Variants in IGFN1 observed in about 807,000 individuals in gnomAD.
IGFN1 encodes the protein immunoglobulin like and fibronectin type III domain containing 1, also known as immunoglobulin-like and fibronectin type III domain-containing protein 1.
In IGFN1, 253 loss-of-function variants were observed where a neutral mutation model predicts 289.5. The observed-to-expected ratio is 0.87, with a 90% CI of 0.79 to 0.97. The LOEUF is 0.97. Ranked by LOEUF, IGFN1 falls within the 50% of genes least tolerant of loss-of-function variation. The probability of loss-of-function intolerance (pLI) is 0.00; values close to 1 mark genes in which losing one functional copy is unlikely to be tolerated. For synonymous variants in IGFN1, 1,706 were observed against 1,788.5 expected (o/e 0.95, Z 1.16); for missense variants, 4,470 against 4,686.1 (o/e 0.95, Z 1.35).
chr1:201,205,167 C>A lies in IGFN1; in HGVS notation c.1002C>A (p.Ser334Arg). Reference protein sequence around the residue: ...GDAVFECTLSSPCPSAAWHFR... With the variant: ...GDAVFECTLSRPCPSAAWHFR... ...CAGTCTTTGAATGTACCCTCTCCAG[C>A]CCCTGCCCTAGTGCAGCCTGGCATT... Residue 334 changes from serine (S) to arginine (R), a missense_variant, in exon 11 of 24, where the codon AGC (serine) becomes AGA (arginine). Ser to Arg is a moderately radical substitution (Grantham distance 110). This residue lies in a region of IGFN1 where 2,011 missense variants were observed against 1,953.4 expected (regional missense o/e 1.03). Transcript: ENST00000335211. 1.3e-6 allele frequency: 2 copies of A among 1,551,300 alleles called. No individual in the cohort carries two copies. Among genetic ancestry groups the A allele is most frequent in the South Asian group, 2.4e-5 (2 of 84,058 alleles).
intron 11 of IGFN1, among the ~76,000 whole-genome samples, chr1:201,205,724 ATAAG>A (rs1667386118): frequency 6.6e-6 from 1 of 152,270 alleles, no homozygotes; most frequent in African/African-American, 2.4e-5. Context: ...TAAATTGGAC[ATAAG>A]TAAGGCAGGT....
chr1:201,197,427 C>T, intron 5 of IGFN1, 110 bp downstream of exon 5: 1 of 713,832 alleles, frequency 1.4e-6, no homozygotes, highest in Non-Finnish European at 2.4e-6. Context: ...GGAGGCCCAT[C>T]CAGGCTGCTG....
At chr1:201,215,423 G>C (rs1222365934) in intron 14 of IGFN1, 116 bp from the exon 15 acceptor site, 13 of 957,240 alleles carry the variant, frequency 1.4e-5, no homozygotes, top group Admixed American at 2.8e-5. Context: ...GTCCTCATGT[G>C]GTGGGGCAGG....
Position 201,226,994 on chromosome 1 carries a change from G to A in IGFN1, c.10899G>A (p.Met3633Ile), listed in dbSNP as rs1654142910. The change falls in exon 23 of 24, where the codon ATG becomes ATA. Residue 3633 changes from methionine to isoleucine, a missense_variant. Transcript: ENST00000335211. ...TGCCCCAGGGCTGCGAGTGCTGCAT[G>A]AGCTGTGCCGTGCAGGGCTCGCCCC... ...HLLPQGCECC[M>I]SCAVQGSPRP... The A allele has an allele frequency of 6.2e-7, 1 of 1,613,264 alleles. No individual in the cohort carries two copies. The highest frequency in any genetic ancestry group is 8.5e-7 in the Non-Finnish European group (1 of 1,180,046).
Position 201,209,154 on chromosome 1 carries a change from G to A in IGFN1, c.4261G>A (p.Gly1421Arg), listed in dbSNP as rs747086816. 23 of 1,522,274 alleles carry A rather than the reference G, an allele frequency of 1.5e-5. No individual in the cohort carries two copies. In the South Asian group the frequency reaches 2.9e-4, roughly 19 times the overall value. The allele number at this position is 1,522,274 out of a possible 1,614,324, so 94.3% of individuals were successfully genotyped here. Residue 1421 changes from glycine (G) to arginine (R), a missense_variant, in exon 12 of 24, where the codon GGG becomes AGG. By Grantham distance (125) the Gly-to-Arg change is moderately radical (BLOSUM62 -2). Coordinates refer to ENST00000335211, the MANE Select transcript of IGFN1 (RefSeq NM_001164586.2). Reference sequence around the variant, plus strand: ...TGGGATTGGAGGTTATGGGGAAATGGGGTCAGGTTATAGGGAGGATTTGGG... The same window carrying A: ...TGGGATTGGAGGTTATGGGGAAATGAGGTCAGGTTATAGGGAGGATTTGGG... ...RNGIGGYGEM[G>R]SGYREDLGAP...
Position 201,213,155 on chromosome 1 carries a change from A to C in IGFN1, c.8262A>C (p.Ser2754=). Residue 2754 remains serine, a synonymous_variant, in exon 12 of 24, where the codon TCA becomes TCC. Coordinates refer to ENST00000335211, the MANE Select transcript of IGFN1 (RefSeq NM_001164586.2). ...PFGRKASRDR[S]GGTQDLSSQR... is the part of the protein sequence containing the mutation. ...GCAGAAAAGCCTCTAGAGATAGGTC[A>C]GGAGGGACCCAGGACCTGAGCTCTC... 1.3e-6 allele frequency: 2 copies of C among 1,551,658 alleles called. No homozygotes were observed. Among genetic ancestry groups the C allele is most frequent in the Non-Finnish European group, 1.7e-6 (2 of 1,146,968 alleles).
rs1306372171 is a variant in IGFN1 at position 201,212,081 on chromosome 1, A to G, written c.7188A>G (p.Ser2396=). 1 of 1,536,422 alleles carries G rather than the reference A, an allele frequency of 6.5e-7. No homozygotes were observed. The highest frequency in any genetic ancestry group is 2.0e-5 in the Admixed American group (1 of 50,982). Residue 2396 remains serine, a synonymous_variant, in exon 12 of 24, where the codon TCA becomes TCG. Coordinates refer to ENST00000335211, the MANE Select transcript of IGFN1 (RefSeq NM_001164586.2). ...MGHRSGYWVA[S]EGDTNSKDGP... is the part of the protein sequence containing the mutation. The stretch of plus-strand genomic sequence containing the variant: ...ACAGGTCAGGATATTGGGTAGCATC[A>G]GAGGGTGACACGAACTCCAAGGATG...
chr1:201,204,806 C>G (rs1340278757), intron 10 of IGFN1, among the ~76,000 whole-genome samples: 2 of 152,210 alleles, frequency 1.3e-5, no homozygotes, highest in African/African-American at 4.8e-5. Flanking sequence ...ATAGTGGTTT[C>G]CTTCATGCAT....
rs1468382525 is a variant in IGFN1, at chr1:201,212,340, G to A, written c.7447G>A (p.Gly2483Ser). ...SGIPEASEAAGAKGKPDVKEW... is the reference protein window; with the variant it reads ...SGIPEASEAASAKGKPDVKEW... Reference sequence around the variant, plus strand: ...GATCCCTGAGGCCTCGGAGGCTGCTGGTGCCAAGGGAAAACCAGATGTCAA... The same window carrying A: ...GATCCCTGAGGCCTCGGAGGCTGCTAGTGCCAAGGGAAAACCAGATGTCAA... The change falls in exon 12 of 24, where the codon GGT becomes AGT. Residue 2483 changes from glycine to serine, a missense_variant. Coordinates refer to ENST00000335211, the MANE Select transcript of IGFN1 (RefSeq NM_001164586.2). The A allele has an allele frequency of 6.5e-7, 1 of 1,536,696 alleles. No individual in the cohort carries two copies. The highest frequency in any genetic ancestry group is 8.7e-7 in the Non-Finnish European group (1 of 1,146,800).
intron 20 of IGFN1, 166 bp downstream of exon 20, chr1:201,222,993 G>GA (rs902785605): frequency 9.9e-6 from 5 of 505,958 alleles, no homozygotes; most frequent in Admixed American, 7.0e-5. Context: ...CATGAGGCAG[G>GA]AAGGATTCAG....
Position 201,211,938 on chromosome 1 carries a change from G to A in IGFN1, c.7045G>A (p.Glu2349Lys), listed in dbSNP as rs918052580. The A allele has an allele frequency of 4.6e-6, 7 of 1,528,126 alleles. No homozygotes were observed. The highest frequency in any genetic ancestry group is 2.0e-5 in the Admixed American group (1 of 50,480). 94.7% of individuals were successfully genotyped at this position (1,528,126 alleles called of 1,614,324 possible). Residue 2349 changes from glutamate (E) to lysine (K), a missense_variant, in exon 12 of 24, where the codon GAA (glutamate) becomes AAA (lysine). Coordinates refer to ENST00000335211, the MANE Select transcript of IGFN1 (RefSeq NM_001164586.2). Reference protein sequence around the residue: ...SYRGGSGGSGETGPEGKMGYG... With the variant: ...SYRGGSGGSGKTGPEGKMGYG... ...TAGAGGAGGCTCAGGAGGATCTGGGGAAACGGGACCAGAGGGTAAGATGGG... is the reference window on the plus strand; with the variant it reads ...TAGAGGAGGCTCAGGAGGATCTGGGAAAACGGGACCAGAGGGTAAGATGGG...
rs1293023513 is a variant in IGFN1, at chr1:201,216,612, G to A, written c.9454G>A (p.Gly3152Ser). The A allele has an allele frequency of 6.2e-7, 1 of 1,613,870 alleles. No individual in the cohort carries two copies. Among genetic ancestry groups the A allele is most frequent in the East Asian group, 2.2e-5 (1 of 44,876 alleles). Reference sequence around the variant, plus strand: ...TGGCAGGAGCACTTGGCTGAAGGTGGGCGAGGCCCCCGCTGACAGCACCAC... The same window carrying A: ...TGGCAGGAGCACTTGGCTGAAGGTGAGCGAGGCCCCCGCTGACAGCACCAC... ...QAGRSTWLKV[G>S]EAPADSTTFT... The change falls in exon 16 of 24, where the codon GGC (glycine) becomes AGC (serine). Residue 3152 changes from glycine (G) to serine (S), a missense_variant. This residue lies in a region of IGFN1 where 2,218 missense variants were observed against 2,114.1 expected (regional missense o/e 1.05). Coordinates refer to ENST00000335211, the MANE Select transcript of IGFN1 (RefSeq NM_001164586.2).
chr1:201,227,966 G>A (rs1571505108), intron 23 of IGFN1, among the ~76,000 whole-genome samples: 1 of 152,294 alleles, frequency 6.6e-6, no homozygotes, highest in East Asian at 1.9e-4. Context: ...AGATATATAT[G>A]TTAATAAAGG....
rs1332833877 is a variant in IGFN1 at position 201,206,608 on chromosome 1, G to A, written c.1715G>A (p.Gly572Glu). The change falls in exon 12 of 24, where the codon GGG becomes GAG. Residue 572 changes from glycine to glutamate, a missense_variant. Physicochemically the swap from Gly to Glu is moderately conservative, Grantham distance 98. Around this residue, in one of 8 missense-constraint regions of IGFN1, gnomAD observed 2,011 missense variants for 1,953.4 expected, o/e 1.03. Transcript: ENST00000335211. ...AGTCGGCTTCAGGCTGGAGGACTGG[G>A]GAGCAGCAGGGAAGGAAAGGAGCAC... The part of the protein sequence containing the change: ...GSSRLQAGGL[G>E]SSREGKEHRG... 2 of 1,544,676 alleles carry A rather than the reference G, an allele frequency of 1.3e-6. No individual in the cohort carries two copies. The highest frequency in any genetic ancestry group is 2.4e-5 in the South Asian group (2 of 84,064).
chr1:201,213,264 C>A lies in IGFN1; in HGVS notation c.8371C>A (p.Pro2791Thr). The change falls in exon 12 of 24, where the codon CCT becomes ACT. Residue 2791 changes from proline to threonine, a missense_variant. Coordinates refer to ENST00000335211, the MANE Select transcript of IGFN1 (RefSeq NM_001164586.2). ...LEAENGEVQG[P>T]GALKEDEGQG... ...GGCTGAGAATGGTGAGGTCCAGGGT[C>A]CTGGGGCCCTAAAGGAGGATGAAGG... 6.4e-7 allele frequency: 1 copy of A among 1,553,008 alleles called. No individual in the cohort carries two copies. Among genetic ancestry groups the A allele is most frequent in the South Asian group, 1.2e-5 (1 of 84,176 alleles).
At chr1:201,213,699 C>A in intron 12 of IGFN1, 78 bp downstream of exon 12, 2 of 1,223,540 alleles carry the variant, frequency 1.6e-6, no homozygotes, top group Non-Finnish European at 2.3e-6. Flanking sequence ...ATGCTTGGGT[C>A]TGTCCCAGTT....
chr1:201,204,845 G>A (rs959338679), intron 10 of IGFN1, among the ~76,000 whole-genome samples: 2 of 152,170 alleles, frequency 1.3e-5, no homozygotes, highest in Admixed American at 6.5e-5. Context: ...TAACTTTTGG[G>A]TTTGGAAGTA....
Position 201,208,882 on chromosome 1 carries a change from C to T in IGFN1, c.3989C>T (p.Ala1330Val). Residue 1330 changes from alanine to valine, a missense_variant, in exon 12 of 24, where the codon GCT (alanine) becomes GTT (valine). By Grantham distance (64) the Ala-to-Val change is moderately conservative. This residue lies in a region of IGFN1 where 2,011 missense variants were observed against 1,953.4 expected (regional missense o/e 1.03). Coordinates refer to ENST00000335211, the MANE Select transcript of IGFN1 (RefSeq NM_001164586.2). The stretch of plus-strand genomic sequence containing the variant: ...GCAGGTTATAGGAAAGATTTAGGGG[C>T]TCCTGAGGGAATAAGTTCAGGGAGC... Reference protein sequence around the residue: ...DEAGYRKDLGAPEGISSGSKA... With the variant: ...DEAGYRKDLGVPEGISSGSKA... 1.3e-6 allele frequency: 2 copies of T among 1,536,242 alleles called. No individual in the cohort carries two copies. Among genetic ancestry groups the T allele is most frequent in the Non-Finnish European group, 1.7e-6 (2 of 1,146,698 alleles).
intron 21 of IGFN1, 88 bp from the exon 22 acceptor site, chr1:201,225,736 C>G: frequency 8.2e-7 from 1 of 1,213,412 alleles, no homozygotes; most frequent in Non-Finnish European, 1.1e-6. Flanking sequence ...TTCCCCAGGA[C>G]CCTCAGAAGT....
Sources: gnomAD v4.1 joint callset for allele counts (sites outside exome capture counted in the v4.1 genomes callset) on GRCh38, gnomAD v4.1.1 for gene constraint, gnomAD v4.1.1 regional missense constraint, MANE v1.5 for transcripts, NCBI Gene and HGNC (gene_info 2026-07-23, HGNC 2026-07-21) for gene names.